The following DUS2 variants were observed in gnomAD, a reference collection of about 807,000 sequenced individuals.
DUS2 encodes dihydrouridine synthase 2, also known as tRNA-dihydrouridine(20) synthase [NAD(P)+]-like.
Under a neutral mutation model 71.3 loss-of-function variants are expected in DUS2, and 52 were observed. The ratio of observed to expected loss-of-function variants is 0.73; its 90% CI spans 0.58 to 0.92. The LOEUF (loss-of-function observed/expected upper bound fraction) is 0.92, where lower values mean the gene tolerates loss of function less well. DUS2 is among the 40% of genes least tolerant of loss of function. DUS2 has a pLI of 0.00. For missense variants in DUS2, 558 were observed against 622.6 expected (o/e 0.90, Z 1.10); for synonymous variants, 204 against 227.8 (o/e 0.90, Z 0.94).
intron 3 of DUS2, among the ~76,000 whole-genome samples, chr16:68,045,045 G>A (rs1394467998): frequency 6.6e-6 from 1 of 152,094 alleles, no homozygotes; most frequent in African/African-American, 2.4e-5. Flanking sequence ...CACCCAGCTC[G>A]GCCTCCCAAA....
intron 14 of DUS2, among the ~76,000 whole-genome samples, chr16:68,076,129 C>T (rs2034152937): frequency 6.6e-6 from 1 of 152,182 alleles, no homozygotes; most frequent in South Asian, 2.1e-4. Flanking sequence ...ACCCCTCCCA[C>T]CCTGTCACTG....
chr16:68,031,316 C>T (rs556202589), intron 2 of DUS2, among the ~76,000 whole-genome samples: 3 of 152,122 alleles, frequency 2.0e-5, no homozygotes, highest in Admixed American at 6.6e-5. Context: ...AGGCATGCGC[C>T]GCCACACCCA....
chr16:68,065,252 C>T (rs2033989033), intron 8 of DUS2, among the ~76,000 whole-genome samples: 1 of 152,130 alleles, frequency 6.6e-6, no homozygotes, highest in Admixed American at 6.6e-5. Context: ...TCATGTATGT[C>T]TGACTGCCCT....
chr16:68,028,130 G>T (rs1163126308), intron 2 of DUS2, among the ~76,000 whole-genome samples: 2 of 152,108 alleles, frequency 1.3e-5, no homozygotes, highest in Non-Finnish European at 2.9e-5. Context: ...GAGCCCTTTG[G>T]CTGGAAGGAG....
In DUS2 at chr16:68,058,175, A is replaced by C. The variant is rs2151421345; in HGVS notation, c.369+1751A>C. 2.0e-5 allele frequency among the ~76,000 whole-genome samples: 3 copies of C among 151,732 alleles called. No homozygotes were observed. In the South Asian group the frequency reaches 6.2e-4, roughly 32 times the overall value. On this transcript the variant is annotated intron_variant, in intron 7 of 16. Coordinates refer to ENST00000565263, the MANE Select transcript of DUS2 (RefSeq NM_017803.5). ...AAGAAGAAGCAGACTGCAGGATCGA[A>C]AACCTTGGTTGGTAAAAGATCAGCT...
chr16:68,040,682 G>A (rs1218421223), intron 3 of DUS2, among the ~76,000 whole-genome samples: 2 of 152,192 alleles, frequency 1.3e-5, no homozygotes, highest in Non-Finnish European at 2.9e-5. Context: ...CAGACAGGCA[G>A]GCAGGTCAAC....
chr16:68,074,380 G>A (rs2034129311), intron 13 of DUS2, among the ~76,000 whole-genome samples: 1 of 152,222 alleles, frequency 6.6e-6, no homozygotes, highest in Non-Finnish European at 1.5e-5. Context: ...TAGGGTACTA[G>A]AAGGATAGAG....
intron 4 of DUS2, among the ~76,000 whole-genome samples, chr16:68,050,241 A>T (rs2033759778): frequency 6.6e-6 from 1 of 151,892 alleles, no homozygotes; most frequent in African/African-American, 2.4e-5. Context: ...AGGTTCAAGC[A>T]GTTCTCCTGC....
intron 8 of DUS2, among the ~76,000 whole-genome samples, chr16:68,061,510 C>T (rs183894599): frequency 3.9e-5 from 6 of 152,276 alleles, no homozygotes; most frequent in African/African-American, 1.2e-4. Flanking sequence ...TTGGCCTCTC[C>T]CAGGGGGCTT....
At chr16:68,054,258 TAAAGC>T (rs962624536) in intron 5 of DUS2, among the ~76,000 whole-genome samples, 2 of 152,266 alleles carry the variant, frequency 1.3e-5, no homozygotes, top group African/African-American at 4.8e-5. Context: ...AACCATGTGA[TAAAGC>T]AAATCTAGCA....
chr16:68,066,115 G>A (rs554755946), intron 8 of DUS2, among the ~76,000 whole-genome samples: 77 of 152,238 alleles, frequency 5.1e-4, no homozygotes, highest in African/African-American at 1.8e-3. Context: ...CAGGTGCTGG[G>A]GCTCCAGTAT....
intron 2 of DUS2, among the ~76,000 whole-genome samples, chr16:68,025,863 G>A (rs1486212715): frequency 6.6e-6 from 1 of 152,104 alleles, no homozygotes; most frequent in Admixed American, 6.6e-5. Context: ...GTTAATAATG[G>A]TATATTCATT....
rs138890218 is a variant in DUS2 at position 68,074,128 on chromosome 16, A to G, written c.905A>G (p.His302Arg). The G allele has an allele frequency of 2.0e-5, 33 of 1,614,218 alleles. No individual in the cohort carries two copies. The highest frequency in any genetic ancestry group is 2.5e-5 in the Non-Finnish European group (30 of 1,180,026). ...QLESPQGRLL[H>R]AAQSSREICE... Reference sequence around the variant, plus strand: ...GAGTCGCCCCAGGGAAGGTTGCTCCATGCTGCCCAGTCTTCCCGGGAAATT... The same window carrying G: ...GAGTCGCCCCAGGGAAGGTTGCTCCGTGCTGCCCAGTCTTCCCGGGAAATT... The change falls in exon 13 of 17, where the codon CAT (histidine) becomes CGT (arginine). Residue 302 changes from histidine to arginine, a missense_variant. Coordinates refer to ENST00000565263, the MANE Select transcript of DUS2 (RefSeq NM_017803.5).
chr16:68,063,997 C>T (rs962694149), intron 8 of DUS2, among the ~76,000 whole-genome samples: 2 of 152,108 alleles, frequency 1.3e-5, no homozygotes, highest in African/African-American at 4.8e-5. Context: ...TACAGGTGTG[C>T]GCAGGGCATC....
chr16:68,061,056 T>C lies in DUS2; in HGVS notation c.370-10T>C. ...AGATGTAAGAAGACCTTTTGTGTGT[T>C]TCTCCTTAGGGAGGAATGGGAGCTG... On this transcript the variant is annotated splice_polypyrimidine_tract_variant and intron_variant, in intron 7 of 16. Transcript: ENST00000565263. 1 of 1,613,852 alleles carries C rather than the reference T, an allele frequency of 6.2e-7. No individual in the cohort carries two copies. The highest frequency in any genetic ancestry group is 8.5e-7 in the Non-Finnish European group (1 of 1,179,832).
rs754180591 is a variant in DUS2, at chr16:68,066,646, C to T, written c.554+10C>T. On this transcript the variant is annotated intron_variant, in intron 10 of 16. Transcript: ENST00000565263. ...TCGCAGTTCATGGGAGGTGAGTGGT[C>T]ACCTTTCTAGTGACTGGCAGGGAGG... 8 of 1,613,636 alleles carry T rather than the reference C, an allele frequency of 5.0e-6. No individual in the cohort carries two copies. Among genetic ancestry groups the T allele is most frequent in the Non-Finnish European group, 6.8e-6 (8 of 1,179,754 alleles).
chr16:68,036,995 C>T (rs1175545333), intron 2 of DUS2, among the ~76,000 whole-genome samples: 2 of 152,014 alleles, frequency 1.3e-5, no homozygotes, highest in Non-Finnish European at 2.9e-5. Context: ...CCTCTCTCTG[C>T]TCTAGCATTA....
chr16:68,073,607 G>A (rs2034116787), intron 12 of DUS2, among the ~76,000 whole-genome samples: 1 of 151,916 alleles, frequency 6.6e-6, no homozygotes, highest in Admixed American at 6.6e-5. Context: ...CCGCCACCAC[G>A]CCCAGCTAAT....
intron 4 of DUS2, among the ~76,000 whole-genome samples, chr16:68,052,937 C>T (rs1355184442): frequency 1.3e-5 from 2 of 151,030 alleles, no homozygotes; most frequent in African/African-American, 2.4e-5. Context: ...GCCACTGCGC[C>T]CGGCTATGTA....
Sources: allele counts gnomAD v4.1 joint callset (sites outside exome capture counted in the v4.1 genomes callset), GRCh38; gene constraint gnomAD v4.1.1; transcripts MANE v1.5; gene names NCBI Gene and HGNC (gene_info 2026-07-23, HGNC 2026-07-21).